Variants in RBMS2 observed in about 807,000 individuals in gnomAD.
RBMS2 encodes RNA binding motif single stranded interacting protein 2.
RBMS2 carries 38 observed loss-of-function variants against 58.4 expected under a neutral mutation model. The ratio of observed to expected loss-of-function variants is 0.65; its 90% CI spans 0.50 to 0.85. The LOEUF is 0.85. RBMS2 is among the 40% of genes least tolerant of loss of function. The pLI, the probability that RBMS2 is intolerant of heterozygous loss-of-function variation, is 0.00. For synonymous variants in RBMS2, 151 were observed against 180.7 expected (o/e 0.84, Z 1.32); for missense variants, 367 against 503.7 (o/e 0.73, Z 2.60).
rs1885519171 is a variant in RBMS2 at position 56,594,088 on chromosome 12, T to C, written c.*4955T>C. 6.6e-6 allele frequency: 1 copy of C among 152,276 alleles called. No homozygotes were observed. The highest frequency in any genetic ancestry group is 2.1e-4 in the South Asian group (1 of 4,822). 9.4% of individuals were successfully genotyped at this position (152,276 alleles called of 1,614,324 possible). A position where few individuals can be genotyped will look rare whatever the true frequency, so the allele number is the denominator to read the frequency against. On this transcript the variant is annotated 3_prime_UTR_variant, in exon 14 of 14. Transcript: ENST00000262031. ...AATCAGCTCACTCACCCTCCCTTAG[T>C]GCCTCCAGTGCCTACTCCTGTCACT... is the stretch of plus-strand genomic sequence containing the variant.
intron 12 of RBMS2, 99 bp downstream of exon 12, chr12:56,588,473 G>A: frequency 1.7e-6 from 2 of 1,144,528 alleles, no homozygotes; most frequent in Admixed American, 3.6e-5. Flanking sequence ...TGCTGATTCT[G>A]TGTTCACAAA....
intron 9 of RBMS2, among the ~76,000 whole-genome samples, chr12:56,583,284 T>C (rs1225149697): frequency 6.6e-6 from 1 of 152,192 alleles, no homozygotes; most frequent in Non-Finnish European, 1.5e-5. Context: ...AAAGGCTGTG[T>C]CACCTCACAT....
intron 3 of RBMS2, 110 bp from the exon 4 acceptor site, chr12:56,569,789 T>C (rs774053069): frequency 1.5e-5 from 14 of 925,674 alleles, no homozygotes; most frequent in Non-Finnish European, 2.3e-5. Context: ...TCTTTCTCCC[T>C]CCCATTTCTG....
intron 11 of RBMS2, 65 bp from the exon 12 acceptor site, chr12:56,588,229 C>A: frequency 1.6e-6 from 2 of 1,286,656 alleles, no homozygotes; most frequent in Non-Finnish European, 2.3e-6. Context: ...TTTTTAAAGC[C>A]CCTCAGCTGC....
chr12:56,525,843 G>C (rs533362732), intron 1 of RBMS2, among the ~76,000 whole-genome samples: 1 of 149,936 alleles, frequency 6.7e-6, no homozygotes, highest in Non-Finnish European at 1.5e-5. Context: ...TTATATTTTT[G>C]GTAGAGATGG....
At chr12:56,543,318 A>T (rs1298185661) in intron 1 of RBMS2, among the ~76,000 whole-genome samples, 1 of 151,788 alleles carries the variant, frequency 6.6e-6, no homozygotes, top group Non-Finnish European at 1.5e-5. Context: ...CCTCATCGCT[A>T]CTAAAAATAC....
intron 1 of RBMS2, among the ~76,000 whole-genome samples, chr12:56,558,571 TCCTTC>T (rs1447475622): frequency 1.7e-3 from 176 of 105,426 alleles, no homozygotes; most frequent in African/African-American, 5.5e-3. Flanking sequence ...CTTCCTTCTT[TCCTTC>T]CTTTTTCTTT....
At chr12:56,522,997 A>G (rs1012730965) in intron 1 of RBMS2, among the ~76,000 whole-genome samples, 1 of 152,198 alleles carries the variant, frequency 6.6e-6, no homozygotes, top group African/African-American at 2.4e-5. Flanking sequence ...TCTTTTGCTC[A>G]TCTAATGGAA....
At chr12:56,584,822 C>CT (rs373639334) in intron 9 of RBMS2, among the ~76,000 whole-genome samples, 10,062 of 129,982 alleles carry the variant, frequency 0.077, 595 homozygotes, top group African/African-American at 0.15. Flanking sequence ...AACTTCTTGT[C>CT]TTTTTTTTTT....
chr12:56,586,780 A>G, intron 9 of RBMS2, 69 bp from the exon 10 acceptor site: 3 of 1,332,718 alleles, frequency 2.3e-6, no homozygotes, highest in Non-Finnish European at 2.1e-6. Flanking sequence ...GCTTTGTTGA[A>G]CATTATTAGA....
intron 1 of RBMS2, among the ~76,000 whole-genome samples, chr12:56,542,552 C>CTTTTTTTTTTTTTTTTTTTTTTT (rs1239883545): frequency 9.9e-6 from 1 of 101,024 alleles, no homozygotes; most frequent in Admixed American, 1.0e-4. Flanking sequence ...TCTTGTTTTT[C>CTTTTTTTTTTTTTTTTTTTTTTT]TTTTTTTTTT....
intron 1 of RBMS2, among the ~76,000 whole-genome samples, chr12:56,537,119 C>T (rs2136282502): frequency 6.6e-6 from 1 of 152,052 alleles, no homozygotes. Flanking sequence ...CGAGTTTTCA[C>T]CAGGTTGGTC....
intron 1 of RBMS2, among the ~76,000 whole-genome samples, chr12:56,554,802 C>G (rs1332478050): frequency 6.6e-6 from 1 of 151,968 alleles, no homozygotes; most frequent in Admixed American, 6.6e-5. Flanking sequence ...TACTAAACAG[C>G]TTAGTTTTTT....
At chr12:56,520,735 T>A (rs1871646631), upstream of RBMS2, among the ~76,000 whole-genome samples, 1 of 147,674 alleles carries the variant, frequency 6.8e-6, no homozygotes. Flanking sequence ...TCTTAAGTAT[T>A]TTTTTTTTTT....
chr12:56,573,668 C>T (rs73122799), intron 5 of RBMS2, among the ~76,000 whole-genome samples: 166 of 152,020 alleles, frequency 1.1e-3, no homozygotes, highest in Non-Finnish European at 2.0e-3. Flanking sequence ...GTTTGTGCCA[C>T]CCTTAGTTAT....
rs1425785479 is a variant in RBMS2 at position 56,596,156 on chromosome 12, T to C, written c.*7023T>C. The C allele has an allele frequency of 1.3e-5, 2 of 152,736 alleles. No individual in the cohort carries two copies. The highest frequency in any genetic ancestry group is 1.9e-4 in the East Asian group (1 of 5,204). The allele number at this position is 152,736 out of a possible 1,614,324, so 9.5% of individuals were successfully genotyped here. On this transcript the variant is annotated 3_prime_UTR_variant, in exon 14 of 14. Transcript: ENST00000262031. ...GTCACTAAAACACCACATTTGGTTATATAAAAAGTCCCTTTTGCTGTAAAA... is the reference window on the plus strand; with the variant it reads ...GTCACTAAAACACCACATTTGGTTACATAAAAAGTCCCTTTTGCTGTAAAA...
intron 5 of RBMS2, among the ~76,000 whole-genome samples, chr12:56,576,031 T>C (rs955224136): frequency 1.3e-5 from 2 of 152,016 alleles, no homozygotes; most frequent in African/African-American, 2.4e-5. Flanking sequence ...TTGTATGCCA[T>C]TCTGAGTAGC....
rs577971158 is a variant in RBMS2 at position 56,554,482 on chromosome 12, A to G, written c.67-7935A>G. Among the ~76,000 whole-genome samples, 11 of 152,328 alleles carry G rather than the reference A, an allele frequency of 7.2e-5. No individual in the cohort carries two copies. The East Asian group carries it at 1.5e-3, about 21-fold the overall frequency. Reference sequence around the variant, plus strand: ...GCCATTATCCCCAGCTAACTAATACAGAAACAGAAAACCAAACACTGCATG... The same window carrying G: ...GCCATTATCCCCAGCTAACTAATACGGAAACAGAAAACCAAACACTGCATG... On this transcript the variant is annotated intron_variant, in intron 1 of 13. Transcript: ENST00000262031.
At chr12:56,559,118 T>A (rs1879866360) in intron 1 of RBMS2, among the ~76,000 whole-genome samples, 1 of 152,162 alleles carries the variant, frequency 6.6e-6, no homozygotes, top group Non-Finnish European at 1.5e-5. Context: ...AGTCTCATAT[T>A]CAGAGAAGCA....
Sources: gnomAD v4.1 joint callset for allele counts (sites outside exome capture counted in the v4.1 genomes callset) on GRCh38, gnomAD v4.1.1 for gene constraint, MANE v1.5 for transcripts, NCBI Gene and HGNC (gene_info 2026-07-23, HGNC 2026-07-21) for gene names.